Variants in KAZN observed in about 807,000 individuals in gnomAD.
The protein encoded by KAZN is kazrin.
In KAZN, 40 loss-of-function variants were observed where a neutral mutation model predicts 87.4. The ratio of observed to expected loss-of-function variants is 0.46; its 90% CI spans 0.36 to 0.60. KAZN has a LOEUF of 0.60. Among genes scored for constraint, KAZN ranks in the 20% least tolerant of loss-of-function variants. The pLI, the probability that KAZN is intolerant of heterozygous loss-of-function variation, is 0.00. For synonymous variants in KAZN, 466 were observed against 458.3 expected (o/e 1.02, Z -0.22); for missense variants, 898 against 1,073.9 (o/e 0.84, Z 2.29).
At chr1:13,923,979 G>A (rs971145361) in intron 1 of KAZN, among the ~76,000 whole-genome samples, 7 of 151,900 alleles carry the variant, frequency 4.6e-5, no homozygotes, top group African/African-American at 1.7e-4. Context: ...TGGCCCGTCG[G>A]GCAGAGTGGC....
At chr1:14,224,048 C>G (rs891799072) in intron 2 of KAZN, among the ~76,000 whole-genome samples, 1 of 152,196 alleles carries the variant, frequency 6.6e-6, no homozygotes, top group African/African-American at 2.4e-5. Flanking sequence ...TAATTTTTAG[C>G]AAGCTGGACC....
chr1:14,828,710 TA>T (rs1017054696), intron 1 of KAZN, among the ~76,000 whole-genome samples: 5 of 151,952 alleles, frequency 3.3e-5, no homozygotes, highest in South Asian at 2.1e-4. Context: ...CCCCACTAAA[TA>T]AAAAAATGCT....
chr1:13,918,532 T>C (rs565218501), intron 1 of KAZN, among the ~76,000 whole-genome samples: 1 of 152,384 alleles, frequency 6.6e-6, no homozygotes, highest in East Asian at 1.9e-4. Context: ...AAAAGATTTG[T>C]AATATTACAT....
intron 2 of KAZN, among the ~76,000 whole-genome samples, chr1:14,500,230 C>CGAGG (rs932664002): frequency 2.3e-4 from 35 of 152,238 alleles, no homozygotes; most frequent in African/African-American, 8.4e-4. Context: ...GCCACACCTC[C>CGAGG]CCTGGGAGAG....
intron 2 of KAZN, among the ~76,000 whole-genome samples, chr1:14,255,038 T>C (rs941494307): frequency 6.6e-6 from 1 of 150,698 alleles, no homozygotes; most frequent in African/African-American, 2.4e-5. Flanking sequence ...GGAGAATTGC[T>C]TGAACCGGGA....
intron 1 of KAZN, among the ~76,000 whole-genome samples, chr1:14,793,280 G>C (rs1012878527): frequency 6.6e-6 from 1 of 152,084 alleles, no homozygotes; most frequent in Admixed American, 6.6e-5. Context: ...CAAGGAAAGA[G>C]AGGATTGAGA....
intron 2 of KAZN, among the ~76,000 whole-genome samples, chr1:14,320,803 A>T (rs1557637847): frequency 1.3e-5 from 2 of 152,218 alleles, no homozygotes; most frequent in Non-Finnish European, 2.9e-5. Context: ...CTACAAAGTC[A>T]TGCTGATATC....
chr1:14,774,081 A>ATGC (rs915593776), intron 1 of KAZN, among the ~76,000 whole-genome samples: 1 of 152,146 alleles, frequency 6.6e-6, no homozygotes, highest in Non-Finnish European at 1.5e-5. Flanking sequence ...AAGACCCCAC[A>ATGC]TGCTTTCTTT....
rs566433883 is a variant in KAZN at position 14,528,066 on chromosome 1, T to C, written c.250-70917T>C. 3.3e-5 allele frequency among the ~76,000 whole-genome samples: 5 copies of C among 151,378 alleles called. No homozygotes were observed. The South Asian group carries it at 6.6e-4, about 20-fold the overall frequency. On this transcript the variant is annotated intron_variant, in intron 2 of 16. Transcript: ENST00000636203. The stretch of plus-strand genomic sequence containing the variant: ...ATCTATCTATGTACCTACCTACCTA[T>C]CTATCTTCCTCTCCACTCTATGCAG...
intron 1 of KAZN, among the ~76,000 whole-genome samples, chr1:14,704,115 T>C (rs964658855): frequency 2.0e-5 from 3 of 152,140 alleles, no homozygotes; most frequent in Non-Finnish European, 2.9e-5. Context: ...TTCAAGTAAG[T>C]CCCTCTACCT....
chr1:14,340,888 C>CCTTTTTTTTT (rs1657647150), intron 2 of KAZN, among the ~76,000 whole-genome samples: 1 of 103,172 alleles, frequency 9.7e-6, no homozygotes, highest in African/African-American at 4.0e-5. Context: ...ATGATTTTCC[C>CCTTTTTTTTT]TTTTTTTTTT....
chr1:14,945,136 C>T (rs1661607081), intron 1 of KAZN, among the ~76,000 whole-genome samples: 1 of 152,172 alleles, frequency 6.6e-6, no homozygotes, highest in Non-Finnish European at 1.5e-5. Context: ...TGAAACTACC[C>T]CTGAGGTCTC....
chr1:14,783,021 G>C (rs115328322), intron 1 of KAZN, among the ~76,000 whole-genome samples: 70 of 152,234 alleles, frequency 4.6e-4, no homozygotes, highest in African/African-American at 1.4e-3. Flanking sequence ...CTTCTCGAGA[G>C]ACTCAGGAGA....
chr1:14,527,958 T>C (rs991145755), intron 2 of KAZN, among the ~76,000 whole-genome samples: 26 of 152,126 alleles, frequency 1.7e-4, no homozygotes, highest in African/African-American at 6.0e-4. Flanking sequence ...GTCTGGTGCC[T>C]GGGCGGGGAT....
intron 2 of KAZN, among the ~76,000 whole-genome samples, chr1:14,291,313 G>C (rs929197123): frequency 1.3e-5 from 2 of 152,186 alleles, no homozygotes; most frequent in Non-Finnish European, 2.9e-5. Flanking sequence ...GGAGCAATAG[G>C]CCTTGCTGAG....
intron 1 of KAZN, among the ~76,000 whole-genome samples, chr1:13,981,095 A>ATATATATATATATATATATATATGTG (rs1196413078): frequency 1.9e-5 from 2 of 104,242 alleles, no homozygotes; most frequent in African/African-American, 7.8e-5. Flanking sequence ...CTCTTTATAT[A>ATATATATATATATATATATATATGTG]TATATATATA....
chr1:14,781,713 T>C (rs1645355362), intron 1 of KAZN, among the ~76,000 whole-genome samples: 1 of 152,092 alleles, frequency 6.6e-6, no homozygotes, highest in South Asian at 2.1e-4. Flanking sequence ...GGCTCACGCC[T>C]GTAATCCCAG....
At chr1:14,118,888 A>T (rs1267756768) in intron 1 of KAZN, among the ~76,000 whole-genome samples, 2 of 152,178 alleles carry the variant, frequency 1.3e-5, no homozygotes, top group Non-Finnish European at 2.9e-5. Flanking sequence ...CAAAACTGCC[A>T]AGGGTTTTAA....
At position 14,614,167 on chromosome 1, in the gene KAZN, T is replaced by C. The variant is rs887347715; in HGVS notation, c.226+14944T>C. Among the ~76,000 whole-genome samples, 4 of 152,326 alleles carry C rather than the reference T, an allele frequency of 2.6e-5. No individual in the cohort carries two copies. The East Asian group carries it at 7.7e-4, about 29-fold the overall frequency. On this transcript the variant is annotated intron_variant, in intron 1 of 14. Transcript: ENST00000376030. Reference sequence around the variant, plus strand: ...CCCCTCAAGCATGTGATCCGTCATATCATTTTCTCATTTATGCCAACACTG... The same window carrying C: ...CCCCTCAAGCATGTGATCCGTCATACCATTTTCTCATTTATGCCAACACTG...
Sources: allele counts gnomAD v4.1 joint callset (sites outside exome capture counted in the v4.1 genomes callset), GRCh38; gene constraint gnomAD v4.1.1; transcripts MANE v1.5; gene names NCBI Gene and HGNC (gene_info 2026-07-23, HGNC 2026-07-21).